MYOT: variants seen among roughly 807,000 people sequenced by gnomAD.
The protein encoded by MYOT is myotilin.
Under a neutral mutation model 58.0 loss-of-function variants are expected in MYOT, and 36 were observed. The ratio of observed to expected loss-of-function variants is 0.62; its 90% confidence interval spans 0.48 to 0.82. The LOEUF is 0.82. Among genes scored for constraint, MYOT ranks in the 40% least tolerant of loss-of-function variants. The probability of loss-of-function intolerance (pLI) is 0.00; values close to 1 mark genes in which losing one functional copy is unlikely to be tolerated. For missense variants in MYOT, 505 were observed against 592.1 expected (o/e 0.85, Z 1.53); for synonymous variants, 218 against 204.6 (o/e 1.07, Z -0.56).
chr5:137,884,279 T>G (rs1161631319), intron 7 of MYOT, among the ~76,000 whole-genome samples: 10 of 152,146 alleles, frequency 6.6e-5, no homozygotes, highest in Admixed American at 6.6e-4. Context: ...AACTTGAGCC[T>G]GGAGTTTGAG....
In MYOT at chr5:137,886,854, T is replaced by G; in HGVS notation, c.1191-10T>G. The stretch of plus-strand genomic sequence containing the variant: ...CCTGTACTTTCATTTCTTAAAAATT[T>G]TTATTTCAGCTTATATCAAGATAAC... On this transcript the variant is annotated splice_polypyrimidine_tract_variant and intron_variant, in intron 8 of 9. Coordinates refer to ENST00000239926, the MANE Select transcript of MYOT (RefSeq NM_006790.3). The G allele has an allele frequency of 6.5e-7, 1 of 1,539,128 alleles. No individual in the cohort carries two copies. The highest frequency in any genetic ancestry group is 9.0e-7 in the Non-Finnish European group (1 of 1,112,538).
chr5:137,884,034 C>T (rs1009997179), intron 7 of MYOT, among the ~76,000 whole-genome samples: 25 of 152,084 alleles, frequency 1.6e-4, no homozygotes, highest in African/African-American at 5.8e-4. Flanking sequence ...ATCTGTCAAA[C>T]GTTAAATACA....
In MYOT at chr5:137,880,862, T is replaced by G; in HGVS notation, c.680T>G (p.Val227Gly). ...HARLQVPTSQVRSRSTSRGDV... is the reference protein window; with the variant it reads ...HARLQVPTSQGRSRSTSRGDV... Reference sequence around the variant, plus strand: ...CGACTGCAAGTTCCTACATCACAAGTAAGGTAAAAAATTTTAATTTTAAAG... The same window carrying G: ...CGACTGCAAGTTCCTACATCACAAGGAAGGTAAAAAATTTTAATTTTAAAG... The change falls in exon 5 of 10, where the codon GTA (valine) becomes GGA (glycine). Residue 227 changes from valine to glycine, a missense_variant. Physicochemically the swap from Val to Gly is moderately radical, Grantham distance 109 (BLOSUM62 -3). Coordinates refer to ENST00000239926, the MANE Select transcript of MYOT (RefSeq NM_006790.3). The G allele has an allele frequency of 6.2e-7, 1 of 1,605,378 alleles. No homozygotes were observed. Among genetic ancestry groups the G allele is most frequent in the Non-Finnish European group, 8.5e-7 (1 of 1,172,902 alleles).
intron 7 of MYOT, among the ~76,000 whole-genome samples, chr5:137,883,952 T>C (rs187117576): frequency 6.6e-6 from 1 of 152,364 alleles, no homozygotes; most frequent in Admixed American, 6.5e-5. Flanking sequence ...ATCATTTCTC[T>C]GGTCTTTGTT....
intron 2 of MYOT, among the ~76,000 whole-genome samples, chr5:137,874,648 G>A (rs577913417): frequency 2.0e-5 from 3 of 152,206 alleles, no homozygotes; most frequent in East Asian, 3.9e-4. Flanking sequence ...TACGGGAGGG[G>A]CAAGGACATC....
intron 7 of MYOT, among the ~76,000 whole-genome samples, chr5:137,884,894 T>C (rs932624021): frequency 6.6e-6 from 1 of 152,192 alleles, no homozygotes; most frequent in African/African-American, 2.4e-5. Context: ...ACTATTTTCT[T>C]GAGTTTATAT....
intron 4 of MYOT, 85 bp downstream of exon 4, chr5:137,877,706 T>A: frequency 9.9e-7 from 1 of 1,011,232 alleles, no homozygotes; most frequent in Non-Finnish European, 1.6e-6. Context: ...AAATAGCATC[T>A]GAAATAAAAG....
chr5:137,873,632 C>G (rs1411937347), intron 2 of MYOT, among the ~76,000 whole-genome samples: 1 of 151,596 alleles, frequency 6.6e-6, no homozygotes, highest in African/African-American at 2.4e-5. Context: ...ACACTTTGAT[C>G]TAGGAATTCA....
chr5:137,874,424 G>A lies in MYOT; in HGVS notation c.357-1405G>A, dbSNP rs371707189. ...AGAGGTTGCAGTGAGCCGAGATCGC[G>A]CCACTGCACTCCAGCCTGGGCAACA... is the stretch of plus-strand genomic sequence containing the variant. On this transcript the variant is annotated intron_variant, in intron 2 of 9. Transcript: ENST00000239926. Among the ~76,000 whole-genome samples, 40 of 152,160 alleles carry A rather than the reference G, an allele frequency of 2.6e-4. 2 individuals are homozygous for A. The highest frequency in any genetic ancestry group is 8.4e-4 in the African/African-American group (35 of 41,508).
intron 3 of MYOT, 72 bp downstream of exon 3, chr5:137,876,075 G>A (rs1429764383): frequency 6.7e-7 from 1 of 1,487,208 alleles, no homozygotes. Context: ...GGAAGTTCTA[G>A]CTCACAGATC....
Position 137,870,773 on chromosome 5 carries a change from T to C in MYOT, c.122T>C (p.Ile41Thr), listed in dbSNP as rs587780396. Residue 41 changes from isoleucine to threonine, a missense_variant, in exon 2 of 10, where the codon ATC becomes ACC. Ile to Thr is a moderately conservative substitution (Grantham distance 89, BLOSUM62 -1). Transcript: ENST00000239926. ...AGCCAGACCAAACAGTCTTCCATTA[T>C]CATCCAGCCCCGCCAGTGTACAGAG... Reference protein sequence around the residue: ...FSSQTKQSSIIIQPRQCTEQR... With the variant: ...FSSQTKQSSITIQPRQCTEQR... 1.2e-6 allele frequency: 2 copies of C among 1,614,084 alleles called. No individual in the cohort carries two copies. Among genetic ancestry groups the C allele is most frequent in the Admixed American group, 3.3e-5 (2 of 60,008 alleles).
At chr5:137,871,590 A>G (rs895578180) in intron 2 of MYOT, among the ~76,000 whole-genome samples, 10 of 152,244 alleles carry the variant, frequency 6.6e-5, no homozygotes, top group Admixed American at 6.5e-5. Flanking sequence ...TGATCAGAAG[A>G]AGGAAGGCCT....
intron 1 of MYOT, among the ~76,000 whole-genome samples, chr5:137,869,486 G>A (rs1263771962): frequency 6.6e-6 from 1 of 152,134 alleles, no homozygotes; most frequent in Non-Finnish European, 1.5e-5. Context: ...ACTGTAGGAA[G>A]GCAGGAGGCC....
intron 4 of MYOT, among the ~76,000 whole-genome samples, chr5:137,879,723 A>C (rs1450670262): frequency 3.7e-5 from 5 of 134,614 alleles, no homozygotes. Flanking sequence ...TTTTTAGTAG[A>C]GACAGGATTT....
In MYOT at chr5:137,886,218, G is replaced by A; in HGVS notation, c.1190+5G>A. On this transcript the variant is annotated splice_donor_5th_base_variant and intron_variant, in intron 8 of 9. Transcript: ENST00000239926. ...ATTCAACACTGACCGAATAAGGTAG[G>A]ATATGTATTTCTAGACTTACTATAG... 1.2e-6 allele frequency: 2 copies of A among 1,601,392 alleles called. No homozygotes were observed. The highest frequency in any genetic ancestry group is 1.7e-6 in the Non-Finnish European group (2 of 1,169,908).
chr5:137,875,680 C>T, intron 2 of MYOT, 149 bp from the exon 3 acceptor site: 1 of 713,450 alleles, frequency 1.4e-6, no homozygotes, highest in Non-Finnish European at 2.3e-6. Context: ...AGTAACCATT[C>T]TTATAAAATA....
Position 137,875,682 on chromosome 5 carries a change from TATAAA to T in MYOT, c.357-143_357-139del. On this transcript the variant is annotated intron_variant, in intron 2 of 9. Transcript: ENST00000239926. ...AAAAAAAAAAGATAGTAACCATTCT[TATAAA>T]ATATTTCTTGACTGTTATTAGGGCA... 5.5e-6 allele frequency: 4 copies of T among 723,912 alleles called. 1 individual carries two copies. The highest frequency in any genetic ancestry group is 5.4e-5 in the South Asian group (3 of 55,074). The allele number at this position is 723,912 out of a possible 1,614,324, so 44.8% of individuals were successfully genotyped here.
chr5:137,867,907 C>T lies in MYOT; in HGVS notation c.-258C>T, dbSNP rs1754919905. 3 of 152,322 alleles carry T rather than the reference C, an allele frequency of 2.0e-5. No homozygotes were observed. In the South Asian group the frequency reaches 6.2e-4, roughly 32 times the overall value. 9.4% of individuals were successfully genotyped at this position (152,322 alleles called of 1,614,324 possible). On this transcript the variant is annotated 5_prime_UTR_variant, in exon 1 of 10. Transcript: ENST00000239926. ...TGAGGGAAGGAGATGCCTCTTCCTT[C>T]CCTTCAATAGTGGGTTAAACCCAGC... is the stretch of plus-strand genomic sequence containing the variant.
chr5:137,881,502 TA>T (rs909175803), intron 5 of MYOT, among the ~76,000 whole-genome samples: 4 of 152,040 alleles, frequency 2.6e-5, no homozygotes, highest in African/African-American at 9.7e-5. Context: ...CCATCTCTAC[TA>T]AAAATACAAA....
Sources: gnomAD v4.1 joint callset for allele counts (sites outside exome capture counted in the v4.1 genomes callset) on GRCh38, gnomAD v4.1.1 for gene constraint, MANE v1.5 for transcripts, NCBI Gene and HGNC (gene_info 2026-07-23, HGNC 2026-07-21) for gene names.